The following KCNK10 variants were observed in gnomAD, a reference collection of about 807,000 sequenced individuals.
The protein encoded by KCNK10 is potassium two pore domain channel subfamily K member 10, also known as potassium channel subfamily K member 10.
KCNK10 carries 25 observed loss-of-function variants against 47.7 expected under a neutral mutation model. That is an observed-to-expected ratio of 0.52 (90% CI 0.38 to 0.73). The LOEUF is 0.73. Among genes scored for constraint, KCNK10 ranks in the 30% least tolerant of loss-of-function variants. The pLI, the probability that KCNK10 is intolerant of heterozygous loss-of-function variation, is 0.00. For missense variants in KCNK10, 563 were observed against 714.5 expected, an observed-to-expected ratio of 0.79 and a Z score of 2.42; for synonymous variants, 303 against 285.6, an observed-to-expected ratio of 1.06 and a Z score of -0.61.
intron 4 of KCNK10, among the ~76,000 whole-genome samples, chr14:88,197,614 C>CAAAAAAAAAAAA (rs1884960053): frequency 3.9e-5 from 2 of 50,814 alleles, no homozygotes; most frequent in African/African-American, 6.6e-5. Context: ...AAAAAAAAAT[C>CAAAAAAAAAAAA]AACTGTTCCA....
intron 1 of KCNK10, among the ~76,000 whole-genome samples, chr14:88,307,980 C>T (rs1888236296): frequency 1.3e-5 from 2 of 152,068 alleles, no homozygotes; most frequent in African/African-American, 4.8e-5. Flanking sequence ...TTATCATTTC[C>T]GGTTCTCAAG....
At chr14:88,221,307 T>TAATAAG in intron 4 of KCNK10, among the ~76,000 whole-genome samples, 1 of 149,042 alleles carries the variant, frequency 6.7e-6, no homozygotes, top group Non-Finnish European at 1.5e-5. Context: ...GTCTCAATAA[T>TAATAAG]AATAATAATA....
chr14:88,306,789 T>C (rs1341633042), intron 1 of KCNK10, among the ~76,000 whole-genome samples: 2 of 152,228 alleles, frequency 1.3e-5, no homozygotes, highest in African/African-American at 2.4e-5. Flanking sequence ...CTCCATCATA[T>C]TGAGTGACTG....
Position 88,185,210 on chromosome 14 carries a change from C to T in KCNK10, c.*325G>A. On this transcript the variant is annotated 3_prime_UTR_variant, in exon 7 of 7. Coordinates refer to ENST00000319231, the MANE Select transcript of KCNK10 (RefSeq NM_138317.3). This position sits in a 1 kb window ranked among gnomAD's most constrained non-coding sequence, Gnocchi z 4.3. Reference sequence around the variant, plus strand: ...AGGAGGCTGGTCTAAGGAATAGCTGCCCTTGTCTACGTGTGTGCCCAGGTA... The same window carrying T: ...AGGAGGCTGGTCTAAGGAATAGCTGTCCTTGTCTACGTGTGTGCCCAGGTA... The T allele has an allele frequency of 3.7e-6, 1 of 273,662 alleles. No individual in the cohort carries two copies. The highest frequency in any genetic ancestry group is 6.9e-6 in the Non-Finnish European group (1 of 144,236). 17.0% of individuals were successfully genotyped at this position (273,662 alleles called of 1,614,324 possible).
At chr14:88,279,209 C>A (rs1460696461) in intron 1 of KCNK10, among the ~76,000 whole-genome samples, 2 of 152,168 alleles carry the variant, frequency 1.3e-5, no homozygotes, top group East Asian at 3.8e-4. Context: ...GCATCCTATG[C>A]TCTAAGGGAA....
intron 3 of KCNK10, among the ~76,000 whole-genome samples, chr14:88,228,551 A>T (rs1419008573): frequency 6.6e-6 from 1 of 152,206 alleles, no homozygotes; most frequent in Non-Finnish European, 1.5e-5. Flanking sequence ...CCATTCTCCC[A>T]AATCTGGGTA....
intron 4 of KCNK10, among the ~76,000 whole-genome samples, chr14:88,215,909 T>C (rs1885602840): frequency 2.0e-5 from 3 of 152,188 alleles, no homozygotes; most frequent in Admixed American, 2.0e-4. Context: ...TTAAAGGCCA[T>C]TAAAACGTTC....
Position 88,240,839 on chromosome 14 carries a change from A to C in KCNK10, c.403-19T>G. On this transcript the variant is annotated intron_variant, in intron 2 of 6. Transcript: ENST00000319231. ...GAGCATGCTGCAAAGAAAGGGAAAA[A>C]GCATAAGACTCAGTTTAAAAGTTGT... is the stretch of plus-strand genomic sequence containing the variant. 6.8e-7 allele frequency: 1 copy of C among 1,468,518 alleles called. No individual in the cohort carries two copies. 91.0% of individuals were successfully genotyped at this position (1,468,518 alleles called of 1,614,324 possible). A position where few individuals can be genotyped will look rare whatever the true frequency, so the allele number is the denominator to read the frequency against.
At chr14:88,190,624 T>C in intron 5 of KCNK10, among the ~76,000 whole-genome samples, 1 of 152,080 alleles carries the variant, frequency 6.6e-6, no homozygotes, top group Non-Finnish European at 1.5e-5. Flanking sequence ...TAAAAATCAA[T>C]TTTTAGTTAA....
chr14:88,224,638 C>T (rs1323983345), intron 4 of KCNK10, among the ~76,000 whole-genome samples: 2 of 152,322 alleles, frequency 1.3e-5, no homozygotes, highest in East Asian at 3.9e-4. Flanking sequence ...AATACAGGGG[C>T]TCACCCTGTC....
At chr14:88,320,484 A>G (rs1389412024) in intron 1 of KCNK10, among the ~76,000 whole-genome samples, 1 of 152,014 alleles carries the variant, frequency 6.6e-6, no homozygotes, top group Non-Finnish European at 1.5e-5. Flanking sequence ...GAAGATCCTG[A>G]CCCCAGCACT....
intron 1 of KCNK10, among the ~76,000 whole-genome samples, chr14:88,272,198 G>A (rs1441477637): frequency 4.6e-5 from 7 of 152,126 alleles, no homozygotes; most frequent in East Asian, 1.9e-4. Flanking sequence ...TAAAATGTAC[G>A]GCATGTTGCT....
rs1054725957 is a variant in KCNK10 at position 88,184,895 on chromosome 14, A to T, written c.*640T>A. ...TCCACAGTGTGATGTGTTTGTGATTATTTTTTTTCTTTTGTCATGAGAAAA... is the reference window on the plus strand; with the variant it reads ...TCCACAGTGTGATGTGTTTGTGATTTTTTTTTTTCTTTTGTCATGAGAAAA... On this transcript the variant is annotated 3_prime_UTR_variant, in exon 7 of 7. Coordinates refer to ENST00000319231, the MANE Select transcript of KCNK10 (RefSeq NM_138317.3). 3 of 152,596 alleles carry T rather than the reference A, an allele frequency of 2.0e-5. No individual in the cohort carries two copies. Among genetic ancestry groups the T allele is most frequent in the Non-Finnish European group, 4.4e-5 (3 of 68,124 alleles). The allele number at this position is 152,596 out of a possible 1,614,324, so 9.5% of individuals were successfully genotyped here.
chr14:88,192,114 T>A, intron 5 of KCNK10, 110 bp downstream of exon 5: 2 of 1,002,094 alleles, frequency 2.0e-6, no homozygotes, highest in Non-Finnish European at 3.0e-6. Context: ...TGACACTGAG[T>A]CATCTTCATT....
intron 4 of KCNK10, among the ~76,000 whole-genome samples, chr14:88,199,265 T>C (rs1270087446): frequency 1.3e-5 from 2 of 152,136 alleles, no homozygotes; most frequent in African/African-American, 2.4e-5. Context: ...TATTCCATTA[T>C]GAAGGGGGAA....
At chr14:88,231,723 A>G (rs779997192) in intron 3 of KCNK10, among the ~76,000 whole-genome samples, 1 of 152,194 alleles carries the variant, frequency 6.6e-6, no homozygotes, top group Non-Finnish European at 1.5e-5. Flanking sequence ...CCTGTCATTG[A>G]CAGAGCAGAG....
intron 1 of KCNK10, among the ~76,000 whole-genome samples, chr14:88,264,337 G>A (rs1887199182): frequency 6.6e-6 from 1 of 152,234 alleles, no homozygotes; most frequent in South Asian, 2.1e-4. Flanking sequence ...ATGCTATCAT[G>A]CATCACAGAA....
chr14:88,324,334 C>G (rs546028570), upstream of KCNK10, among the ~76,000 whole-genome samples: 4 of 152,184 alleles, frequency 2.6e-5, no homozygotes, highest in Non-Finnish European at 4.4e-5. Flanking sequence ...CGGGTCACTC[C>G]GAGTATCAAC....
At chr14:88,292,610 C>T (rs763269861) in intron 1 of KCNK10, among the ~76,000 whole-genome samples, 15 of 151,936 alleles carry the variant, frequency 9.9e-5, no homozygotes, top group Non-Finnish European at 1.9e-4. Flanking sequence ...CTCGGCCTCC[C>T]AGAGTGCTGG....
Sources: allele counts gnomAD v4.1 joint callset (sites outside exome capture counted in the v4.1 genomes callset), GRCh38; gene constraint gnomAD v4.1.1; non-coding constraint Gnocchi (gnomAD v3.1); transcripts MANE v1.5; gene names NCBI Gene and HGNC (gene_info 2026-07-23, HGNC 2026-07-21).